The following GLIS3 variants were observed in gnomAD, a reference collection of about 807,000 sequenced individuals.
GLIS3 encodes zinc finger protein GLIS3.
A neutral mutation model predicts 78.6 loss-of-function variants in GLIS3; 53 were observed. The ratio of observed to expected loss-of-function variants is 0.67; its 90% confidence interval spans 0.54 to 0.85. GLIS3 has a LOEUF of 0.85. Among genes scored for constraint, GLIS3 ranks in the 40% least tolerant of loss-of-function variants. The pLI, the probability that GLIS3 is intolerant of heterozygous loss-of-function variation, is 0.00. For synonymous variants in GLIS3, 684 were observed against 509.9 expected, an observed-to-expected ratio of 1.34 and a Z score of -4.60; for missense variants, 1,703 against 1,231.1, an observed-to-expected ratio of 1.38 and a Z score of -5.74.
chr9:3,864,381 G>A (rs1245783287), intron 8 of GLIS3, among the ~76,000 whole-genome samples: 1 of 152,162 alleles, frequency 6.6e-6, no homozygotes, highest in Non-Finnish European at 1.5e-5. Flanking sequence ...TGTTATTTTT[G>A]TCTAAGCATG....
chr9:4,459,246 G>C, the GLIS3 span, among the ~76,000 whole-genome samples: 4 of 152,182 alleles, frequency 2.6e-5, no homozygotes, highest in African/African-American at 9.7e-5. Flanking sequence ...AAGGTTGTCA[G>C]CATTATATGC....
intron 4 of GLIS3, among the ~76,000 whole-genome samples, chr9:4,054,675 C>T (rs7046800): frequency 0.24 from 35,937 of 150,250 alleles, 5,219 homozygotes; most frequent in South Asian, 0.44. Context: ...TGCTGTTTCT[C>T]AACAAAAAAA....
chr9:3,964,958 T>C (rs1817821507), intron 4 of GLIS3, among the ~76,000 whole-genome samples: 2 of 152,094 alleles, frequency 1.3e-5, no homozygotes, highest in Non-Finnish European at 2.9e-5. Context: ...CAGATACAAA[T>C]AACTCTATTC....
At position 3,996,677 on chromosome 9, in the gene GLIS3, A is replaced by C. The variant is rs200574065; in HGVS notation, c.1711-59488T>G. Among the ~76,000 whole-genome samples the C allele has an allele frequency of 1.1e-4, 16 of 152,338 alleles. No homozygotes were observed. In the East Asian group the frequency reaches 3.1e-3, roughly 29 times the overall value. ...AAATAGTAGAAGGAAGAAATAACAA[A>C]GATAAGAAAATAAATTAACAAAACT... On this transcript the variant is annotated intron_variant, in intron 4 of 10. Transcript: ENST00000381971.
chr9:3,918,170 T>G (rs906810037), intron 6 of GLIS3, among the ~76,000 whole-genome samples: 2 of 152,200 alleles, frequency 1.3e-5, no homozygotes, highest in Non-Finnish European at 2.9e-5. Context: ...AGTCTTTTCT[T>G]TTGGAAACTA....
Position 3,935,643 on chromosome 9 carries a change from A to G in GLIS3, c.1872+1385T>C, listed in dbSNP as rs144679234. 2.2e-3 allele frequency among the ~76,000 whole-genome samples: 332 copies of G among 152,344 alleles called. 3 individuals are homozygous for G. The highest frequency in any genetic ancestry group is 7.7e-3 in the African/African-American group (322 of 41,586). ...GTTCATTCTTCCATGATAAAGGTTA[A>G]TGACGAATTGGAAAGTTTATTGGAT... On this transcript the variant is annotated intron_variant, in intron 5 of 10. Coordinates refer to ENST00000381971, the MANE Select transcript of GLIS3 (RefSeq NM_001042413.2).
intron 4 of GLIS3, among the ~76,000 whole-genome samples, chr9:4,094,165 G>C (rs958931642): frequency 6.6e-6 from 1 of 152,216 alleles, no homozygotes; most frequent in Non-Finnish European, 1.5e-5. Context: ...ACATGGAAGA[G>C]AAGAGGAAAG....
chr9:4,211,519 T>C (rs1212655267), intron 2 of GLIS3, among the ~76,000 whole-genome samples: 1 of 152,236 alleles, frequency 6.6e-6, no homozygotes, highest in Non-Finnish European at 1.5e-5. Context: ...TGAAAGGGCA[T>C]ATAGCCTTGG....
chr9:4,069,756 T>C (rs1156931356), intron 4 of GLIS3, among the ~76,000 whole-genome samples: 1 of 152,122 alleles, frequency 6.6e-6, no homozygotes, highest in Non-Finnish European at 1.5e-5. Flanking sequence ...TTTACAGCTG[T>C]TTTGTTATTT....
intron 2 of GLIS3, among the ~76,000 whole-genome samples, chr9:4,196,533 C>T (rs553473287): frequency 9.5e-4 from 144 of 152,174 alleles, no homozygotes; most frequent in Admixed American, 2.5e-3. Flanking sequence ...CTCCTGAGGC[C>T]AGCAAGACCA....
chr9:4,351,274 G>A (rs1435267274), upstream of GLIS3, among the ~76,000 whole-genome samples: 1 of 151,954 alleles, frequency 6.6e-6, no homozygotes, highest in African/African-American at 2.4e-5. Context: ...AATTAACTGG[G>A]TGTGGTTATA....
At chr9:4,201,633 T>C (rs542918162) in intron 2 of GLIS3, among the ~76,000 whole-genome samples, 2 of 151,810 alleles carry the variant, frequency 1.3e-5, no homozygotes, top group East Asian at 3.9e-4. Context: ...ACCAGGGAGC[T>C]AAAAAATATC....
At chr9:4,462,821 AAAG>A in the GLIS3 span, among the ~76,000 whole-genome samples, 1 of 152,194 alleles carries the variant, frequency 6.6e-6, no homozygotes, top group Admixed American at 6.5e-5. Context: ...AAAAAAGAAA[AAAG>A]AAGAAAAAGT....
rs1817716793 is a variant in GLIS3 at position 3,826,182 on chromosome 9, C to T, written c.*2090G>A. Reference sequence around the variant, plus strand: ...AACCTTGCCTTTTCATCTTTTTTCTCATTGTACAAATGAAATGAAATGTAT... The same window carrying T: ...AACCTTGCCTTTTCATCTTTTTTCTTATTGTACAAATGAAATGAAATGTAT... On this transcript the variant is annotated 3_prime_UTR_variant, in exon 11 of 11. Coordinates refer to ENST00000381971, the MANE Select transcript of GLIS3 (RefSeq NM_001042413.2). The T allele has an allele frequency of 6.6e-6, 1 of 152,178 alleles. No homozygotes were observed. The highest frequency in any genetic ancestry group is 2.1e-4 in the South Asian group (1 of 4,832). 9.4% of individuals were successfully genotyped at this position (152,178 alleles called of 1,614,324 possible).
chr9:4,036,384 A>C (rs1485931490), intron 4 of GLIS3, among the ~76,000 whole-genome samples: 1 of 152,106 alleles, frequency 6.6e-6, no homozygotes, highest in East Asian at 1.9e-4. Context: ...ATTTCTGTAG[A>C]ACAAGATAGG....
intron 2 of GLIS3, among the ~76,000 whole-genome samples, chr9:4,196,247 C>T (rs1224720587): frequency 3.9e-5 from 6 of 152,146 alleles, no homozygotes; most frequent in African/African-American, 1.4e-4. Flanking sequence ...TGTAAACACA[C>T]CAATCAGCAC....
the GLIS3 span, among the ~76,000 whole-genome samples, chr9:4,357,852 T>C: frequency 3.3e-5 from 5 of 152,220 alleles, no homozygotes; most frequent in African/African-American, 7.2e-5. Context: ...TGAATCTGTG[T>C]CAATGGTGCC....
chr9:3,898,588 A>T (rs1166199119), intron 7 of GLIS3, 103 bp downstream of exon 7: 38 of 1,390,978 alleles, frequency 2.7e-5, no homozygotes, highest in Non-Finnish European at 3.5e-5. Flanking sequence ...AGAACAACAC[A>T]GACGATCTTA....
At chr9:4,455,918 G>A in the GLIS3 span, among the ~76,000 whole-genome samples, 1 of 152,046 alleles carries the variant, frequency 6.6e-6, no homozygotes, top group Non-Finnish European at 1.5e-5. Flanking sequence ...TTCAAGACCA[G>A]CCTGGCCTAC....
Sources: gnomAD v4.1 joint callset for allele counts (sites outside exome capture counted in the v4.1 genomes callset) on GRCh38, gnomAD v4.1.1 for gene constraint, MANE v1.5 for transcripts, NCBI Gene and HGNC (gene_info 2026-07-23, HGNC 2026-07-21) for gene names.